SCN2A: variants seen among roughly 807,000 people sequenced by gnomAD.
SCN2A encodes sodium channel protein type 2 subunit alpha.
SCN2A carries 20 observed loss-of-function variants against 188.7 expected under a neutral mutation model. The ratio of observed to expected loss-of-function variants is 0.11; its 90% CI spans 0.07 to 0.15. The LOEUF (loss-of-function observed/expected upper bound fraction) is 0.15, where lower values mean the gene tolerates loss of function less well. Among genes scored for constraint, SCN2A ranks in the 10% least tolerant of loss-of-function variants. The pLI, the probability that SCN2A is intolerant of heterozygous loss-of-function variation, is 1.00. For missense variants in SCN2A, 1,278 were observed against 2,445.0 expected, an observed-to-expected ratio of 0.52 and a Z score of 10.07; for synonymous variants, 804 against 833.1, an observed-to-expected ratio of 0.97 and a Z score of 0.60.
intron 1 of SCN2A, among the ~76,000 whole-genome samples, chr2:165,275,131 C>T (rs1695279514): frequency 6.6e-6 from 1 of 152,184 alleles, no homozygotes; most frequent in South Asian, 2.1e-4. Flanking sequence ...TTATTGCATT[C>T]GTTCAATGTT....
intron 1 of SCN2A, among the ~76,000 whole-genome samples, chr2:165,258,531 C>G (rs1190678812): frequency 1.3e-5 from 2 of 152,104 alleles, no homozygotes; most frequent in Non-Finnish European, 2.9e-5. Context: ...GTGGTGATTC[C>G]TCAAAGAACT....
intron 1 of SCN2A, chr2:165,240,147 A>G (rs1384563086): frequency 6.6e-6 from 1 of 152,212 alleles, no homozygotes; most frequent in Non-Finnish European, 1.5e-5. Context: ...CCTCTTAGAA[A>G]TAATACGTAA....
intron 1 of SCN2A, among the ~76,000 whole-genome samples, chr2:165,253,867 A>G (rs1379487038): frequency 1.3e-5 from 2 of 151,986 alleles, no homozygotes; most frequent in African/African-American, 4.8e-5. Flanking sequence ...TTTTGTCTGA[A>G]AATAATTAGG....
chr2:165,354,156 A>G (rs766226014), intron 16 of SCN2A, 36 bp from the exon 17 acceptor site: 38 of 1,612,408 alleles, frequency 2.4e-5, no homozygotes, highest in Admixed American at 3.3e-5. Context: ...AAGCAATAGA[A>G]TGTTTTGATC....
intron 1 of SCN2A, among the ~76,000 whole-genome samples, chr2:165,258,957 G>A (rs1694451574): frequency 6.6e-6 from 1 of 152,184 alleles, no homozygotes; most frequent in Non-Finnish European, 1.5e-5. Context: ...AGAGGAGGAA[G>A]AGGATCACAG....
At chr2:165,258,066 A>C (rs574142622) in intron 1 of SCN2A, among the ~76,000 whole-genome samples, 6 of 152,306 alleles carry the variant, frequency 3.9e-5, no homozygotes, top group Admixed American at 3.9e-4. Context: ...TCTGGATAGT[A>C]GAACTTTGTC....
intron 3 of SCN2A, among the ~76,000 whole-genome samples, chr2:165,304,219 T>C (rs1440575502): frequency 6.6e-6 from 1 of 152,074 alleles, no homozygotes; most frequent in East Asian, 1.9e-4. Flanking sequence ...TGCCTTAGCC[T>C]CCTGATTAGC....
rs773901530 is a variant in SCN2A, at chr2:165,388,711, A to C, written c.4905A>C (p.Arg1635=). Residue 1635 remains arginine, a synonymous_variant, in exon 27 of 27, where the codon CGA becomes CGC. Transcript: ENST00000375437. ...FRVIRLARIG[R]ILRLIKGAKG... ...TGATCCGTCTTGCCAGGATTGGCCG[A>C]ATCCTACGTCTGATCAAAGGAGCAA... 1.2e-6 allele frequency: 2 copies of C among 1,614,026 alleles called. No individual in the cohort carries two copies. The highest frequency in any genetic ancestry group is 1.7e-6 in the Non-Finnish European group (2 of 1,179,960).
intron 16 of SCN2A, among the ~76,000 whole-genome samples, chr2:165,352,147 A>G (rs1223851864): frequency 6.6e-6 from 1 of 152,112 alleles, no homozygotes; most frequent in African/African-American, 2.4e-5. Flanking sequence ...CAAAATAGAT[A>G]AAATAAAAAT....
At chr2:165,369,775 C>T (rs1461810574) in intron 19 of SCN2A, among the ~76,000 whole-genome samples, 1 of 152,104 alleles carries the variant, frequency 6.6e-6, no homozygotes, top group Non-Finnish European at 1.5e-5. Context: ...ATCTGCATTA[C>T]TAGAGGATGC....
intron 19 of SCN2A, among the ~76,000 whole-genome samples, chr2:165,369,061 G>A (rs1020920843): frequency 1.3e-5 from 2 of 152,034 alleles, no homozygotes; most frequent in African/African-American, 4.8e-5. Context: ...AAGTAGCTGG[G>A]ATTACAGGTG....
chr2:165,375,047 C>A, intron 22 of SCN2A, 81 bp downstream of exon 22: 2 of 1,226,732 alleles, frequency 1.6e-6, no homozygotes, highest in African/African-American at 1.5e-5. Context: ...GAGATATCCA[C>A]CTGTTAGAAT....
intron 1 of SCN2A, chr2:165,245,321 G>A (rs189807034): frequency 6.6e-6 from 1 of 152,200 alleles, no homozygotes; most frequent in Admixed American, 6.5e-5. Flanking sequence ...CGATCTGATG[G>A]TTTTATAGGG....
At chr2:165,277,474 G>T (rs1695397283) in intron 1 of SCN2A, among the ~76,000 whole-genome samples, 1 of 152,132 alleles carries the variant, frequency 6.6e-6, no homozygotes, top group African/African-American at 2.4e-5. Context: ...ATATTTAATT[G>T]GTTGCAATTA....
Position 165,392,182 on chromosome 2 carries a change from A to T in SCN2A, c.*2358A>T, listed in dbSNP as rs191911206. Reference sequence around the variant, plus strand: ...CTATAATTCATCTTTCAATTTTTTCATGGAATGGAAGTTAATTAAGAAGAG... The same window carrying T: ...CTATAATTCATCTTTCAATTTTTTCTTGGAATGGAAGTTAATTAAGAAGAG... On this transcript the variant is annotated 3_prime_UTR_variant, in exon 27 of 27. Coordinates refer to ENST00000375437, the MANE Select transcript of SCN2A (RefSeq NM_001040142.2). 6.6e-6 allele frequency: 1 copy of T among 152,572 alleles called. No individual in the cohort carries two copies. 9.5% of individuals were successfully genotyped at this position (152,572 alleles called of 1,614,324 possible).
At chr2:165,326,661 C>G (rs1440088139) in intron 12 of SCN2A, among the ~76,000 whole-genome samples, 191 bp from the exon 13 acceptor site, 1 of 152,058 alleles carries the variant, frequency 6.6e-6, no homozygotes, top group Non-Finnish European at 1.5e-5. Context: ...CCCAGGGCTC[C>G]CCAAAAGCTG....
At chr2:165,350,598 A>G (rs937619402) in intron 16 of SCN2A, among the ~76,000 whole-genome samples, 6 of 145,968 alleles carry the variant, frequency 4.1e-5, no homozygotes, top group African/African-American at 1.5e-4. Context: ...TCAGCCTCCC[A>G]AGTAGCTGAG....
chr2:165,266,286 A>T (rs1694858069), intron 1 of SCN2A: 1 of 152,002 alleles, frequency 6.6e-6, no homozygotes, highest in Non-Finnish European at 1.5e-5. Flanking sequence ...TTTCAAGCAG[A>T]CTTGGGTTTA....
At chr2:165,361,976 T>C (rs1700481278) in intron 17 of SCN2A, among the ~76,000 whole-genome samples, 1 of 152,066 alleles carries the variant, frequency 6.6e-6, no homozygotes, top group South Asian at 2.1e-4. Context: ...GAGAAAATAT[T>C]GTGTGTATTC....
Sources: gnomAD v4.1 joint callset for allele counts (sites outside exome capture counted in the v4.1 genomes callset) on GRCh38, gnomAD v4.1.1 for gene constraint, MANE v1.5 for transcripts, NCBI Gene and HGNC (gene_info 2026-07-23, HGNC 2026-07-21) for gene names.